CCDC186: variants seen among roughly 807,000 people sequenced by gnomAD.
CCDC186 encodes the protein coiled-coil domain containing 186, also known as coiled-coil domain-containing protein 186.
CCDC186 carries 49 observed loss-of-function variants against 113.7 expected under a neutral mutation model. That is an observed-to-expected ratio of 0.43 (90% CI 0.34 to 0.55). The LOEUF (loss-of-function observed/expected upper bound fraction) is 0.55. Among genes scored for constraint, CCDC186 ranks in the 20% least tolerant of loss-of-function variants. The pLI, the probability that CCDC186 is intolerant of heterozygous loss-of-function variation, is 0.02. For synonymous variants in CCDC186, 355 were observed against 345.8 expected, an observed-to-expected ratio of 1.03 and a Z score of -0.30; for missense variants, 890 against 1,011.1, an observed-to-expected ratio of 0.88 and a Z score of 1.62.
At chr10:114,147,518 A>G (rs1235474205) in intron 4 of CCDC186, among the ~76,000 whole-genome samples, 1 of 152,336 alleles carries the variant, frequency 6.6e-6, no homozygotes, top group East Asian at 1.9e-4. Flanking sequence ...ACAGCATGAC[A>G]CATTTAGGAG....
chr10:114,174,178 T>A lies in CCDC186; in HGVS notation c.-225A>T, dbSNP rs1432720796. 1 of 457,458 alleles carries A rather than the reference T, an allele frequency of 2.2e-6. No individual in the cohort carries two copies. Among genetic ancestry groups the A allele is most frequent in the Non-Finnish European group, 4.6e-6 (1 of 219,422 alleles). The allele number at this position is 457,458 out of a possible 1,614,324, so 28.3% of individuals were successfully genotyped here. A position where few individuals can be genotyped will look rare whatever the true frequency, so the allele number is the denominator to read the frequency against. On this transcript the variant is annotated 5_prime_UTR_variant, in exon 1 of 16. Coordinates refer to ENST00000369287, the MANE Select transcript of CCDC186 (RefSeq NM_018017.4). The stretch of plus-strand genomic sequence containing the variant: ...CTCAGCGGCCGTTTCCCCAAACCCC[T>A]GCGGAGCTGACACATCAACAAAGAT...
chr10:114,162,449 C>T (rs17776701), intron 2 of CCDC186, 188 bp downstream of exon 2: 39,398 of 495,380 alleles, frequency 0.08, 1,902 homozygotes, highest in Middle Eastern at 0.11. Context: ...ATATTGAACT[C>T]AGATATCTGA....
intron 4 of CCDC186, among the ~76,000 whole-genome samples, chr10:114,148,346 A>G (rs1196854170): frequency 6.6e-6 from 1 of 152,144 alleles, no homozygotes; most frequent in Non-Finnish European, 1.5e-5. Context: ...AGACAATACA[A>G]TAACTGTTAT....
intron 1 of CCDC186, among the ~76,000 whole-genome samples, chr10:114,167,335 G>C (rs2032364895): frequency 6.6e-6 from 1 of 152,124 alleles, no homozygotes. Flanking sequence ...GCAGCCAAAG[G>C]AAAAGGAGGG....
chr10:114,166,526 C>T (rs535718157), intron 1 of CCDC186, among the ~76,000 whole-genome samples: 1 of 152,330 alleles, frequency 6.6e-6, no homozygotes, highest in Non-Finnish European at 1.5e-5. Context: ...AGCATTTAGC[C>T]TTTTAAATGA....
chr10:114,144,553 C>G lies in CCDC186; in HGVS notation c.1165G>C (p.Val389Leu). The change falls in exon 6 of 16, where the codon GTC becomes CTC. Residue 389 changes from valine to leucine, a missense_variant. Transcript: ENST00000369287. Reference protein sequence around the residue: ...DKLKEDINSHVIKVKWAQNKL... With the variant: ...DKLKEDINSHLIKVKWAQNKL... The stretch of plus-strand genomic sequence containing the variant: ...TTTTGTGCCCACTTTACTTTGATGA[C>G]GTGAGAGTTAATGTCTTCCTTTAAT... 5 of 1,613,090 alleles carry G rather than the reference C, an allele frequency of 3.1e-6. No individual in the cohort carries two copies. Among genetic ancestry groups the G allele is most frequent in the Non-Finnish European group, 4.2e-6 (5 of 1,179,350 alleles).
chr10:114,135,123 G>A, intron 9 of CCDC186, 68 bp from the exon 10 acceptor site: 2 of 1,412,706 alleles, frequency 1.4e-6, no homozygotes, highest in South Asian at 1.5e-5. Context: ...TTTGTATAGT[G>A]GTTACATATG....
intron 4 of CCDC186, among the ~76,000 whole-genome samples, chr10:114,149,733 G>A (rs71500814): frequency 0.13 from 7,127 of 56,288 alleles, 273 homozygotes; most frequent in Middle Eastern, 0.22. Flanking sequence ...AGGAAGGGAC[G>A]AAGGAAGGAA....
chr10:114,129,797 TG>T, intron 13 of CCDC186, 93 bp downstream of exon 13: 1 of 1,082,648 alleles, frequency 9.2e-7, no homozygotes, highest in Non-Finnish European at 1.4e-6. Flanking sequence ...CCCAAAGTGC[TG>T]GGATTACAGG....
At chr10:114,165,510 G>A (rs151334795) in intron 1 of CCDC186, among the ~76,000 whole-genome samples, 47 of 151,752 alleles carry the variant, frequency 3.1e-4, no homozygotes, top group African/African-American at 9.2e-4. Flanking sequence ...TGGCCAAGAC[G>A]ACGAAACCCT....
chr10:114,124,216 A>G lies in CCDC186; in HGVS notation c.*927T>C, dbSNP rs1175847512. The G allele has an allele frequency of 6.6e-6, 1 of 152,222 alleles. No homozygotes were observed. Among genetic ancestry groups the G allele is most frequent in the Non-Finnish European group, 1.5e-5 (1 of 68,044 alleles). The allele number at this position is 152,222 out of a possible 1,614,324, so 9.4% of individuals were successfully genotyped here. A position where few individuals can be genotyped will look rare whatever the true frequency, so the allele number is the denominator to read the frequency against. Reference sequence around the variant, plus strand: ...GGGGGAACTGTATGATCACTCCACTATAATACATAATTAATATATCCATGG... The same window carrying G: ...GGGGGAACTGTATGATCACTCCACTGTAATACATAATTAATATATCCATGG... On this transcript the variant is annotated 3_prime_UTR_variant, in exon 16 of 16. Coordinates refer to ENST00000369287, the MANE Select transcript of CCDC186 (RefSeq NM_018017.4).
At position 114,126,035 on chromosome 10, in the gene CCDC186, CTT is replaced by C. The variant is rs1236126404; in HGVS notation, c.2462_2463del (p.Lys821SerfsTer5). The C allele has an allele frequency of 6.2e-7, 1 of 1,613,880 alleles. No homozygotes were observed. The highest frequency in any genetic ancestry group is 1.3e-5 in the African/African-American group (1 of 74,898). On this transcript the variant is annotated frameshift_variant, in exon 15 of 16. Coordinates refer to ENST00000369287, the MANE Select transcript of CCDC186 (RefSeq NM_018017.4). LOFTEE classifies it high-confidence loss of function. The stretch of plus-strand genomic sequence containing the variant: ...ATGCCACCCCGTCTACTTAAATGAA[CTT>C]TGTTAAAATCAGATGCCTCTGAAGA... Reference protein sequence around the residue: ...TLSSEASDFNKVHLSRRGGIM... With the variant: ...TLSSEASDFNXVHLSRRGGIM...
chr10:114,142,939 ACATAAAACAAGT>A (rs1380989055), intron 6 of CCDC186, among the ~76,000 whole-genome samples: 3 of 152,214 alleles, frequency 2.0e-5, no homozygotes, highest in African/African-American at 7.2e-5. Flanking sequence ...ATAGGTAAAT[ACATAAAACAAGT>A]AACCGGGAGC....
intron 15 of CCDC186, 55 bp downstream of exon 15, chr10:114,125,831 C>T (rs557926298): frequency 6.9e-7 from 1 of 1,448,654 alleles, no homozygotes. Flanking sequence ...GACTGTGAAA[C>T]AGGCATCATT....
chr10:114,150,216 T>C (rs1306297471), intron 4 of CCDC186, among the ~76,000 whole-genome samples: 1 of 152,200 alleles, frequency 6.6e-6, no homozygotes, highest in Non-Finnish European at 1.5e-5. Flanking sequence ...GACTAATTGT[T>C]AGTCAGATAC....
Position 114,157,544 on chromosome 10 carries a change from T to C in CCDC186, c.759+10A>G, listed in dbSNP as rs767173661. 1.3e-6 allele frequency: 2 copies of C among 1,580,992 alleles called. No individual in the cohort carries two copies. The highest frequency in any genetic ancestry group is 1.2e-5 in the South Asian group (1 of 84,710). ...GAAGTATAGTCTTCGAAGATTTTTG[T>C]CTTTTTTACCTGTTTAATTGTGTTC... is the stretch of plus-strand genomic sequence containing the variant. On this transcript the variant is annotated intron_variant, in intron 3 of 15. Transcript: ENST00000369287.
chr10:114,166,040 A>G (rs943699458), intron 1 of CCDC186: 21 of 522,904 alleles, frequency 4.0e-5, no homozygotes, highest in Non-Finnish European at 4.9e-5. Context: ...AAGTGGCGGC[A>G]AAGTTACATC....
At chr10:114,135,158 C>G (rs1180630468) in intron 9 of CCDC186, 103 bp from the exon 10 acceptor site, 2 of 1,144,046 alleles carry the variant, frequency 1.7e-6, no homozygotes, top group Admixed American at 7.6e-5. Context: ...TCTAAAGCAC[C>G]ATTAACGTGA....
At chr10:114,126,776 T>C (rs2030917510) in intron 14 of CCDC186, among the ~76,000 whole-genome samples, 1 of 152,242 alleles carries the variant, frequency 6.6e-6, no homozygotes, top group African/African-American at 2.4e-5. Flanking sequence ...CCTATAAGTC[T>C]AAAATTATTT....
Sources: allele counts gnomAD v4.1 joint callset (sites outside exome capture counted in the v4.1 genomes callset), GRCh38; gene constraint gnomAD v4.1.1; transcripts MANE v1.5; gene names NCBI Gene and HGNC (gene_info 2026-07-23, HGNC 2026-07-21).